ADD1: variants seen among roughly 807,000 people sequenced by gnomAD.
ADD1 encodes the protein alpha-adducin.
ADD1 carries 24 observed loss-of-function variants against 80.5 expected under a neutral mutation model. That is an observed-to-expected ratio of 0.30 (90% confidence interval 0.22 to 0.42). ADD1 has a LOEUF of 0.42. Ranked by LOEUF, ADD1 falls within the 10% of genes least tolerant of loss-of-function variation. ADD1 has a pLI of 1.00. For missense variants in ADD1, 948 were observed against 1,019.0 expected (o/e 0.93, Z 0.95); for synonymous variants, 373 against 393.8 (o/e 0.95, Z 0.63).
rs536289574 is a variant in ADD1, at chr4:2,868,489, T to G, written c.-20-7407T>G. Among the ~76,000 whole-genome samples the G allele has an allele frequency of 3.9e-5, 6 of 152,306 alleles. No homozygotes were observed. In the South Asian group the frequency reaches 1.2e-3, roughly 32 times the overall value. ...ACTCTTTCCAGCGAACTCTCCACCT[T>G]CTGTTTCACTGCGTATTTCCTGACG... is the stretch of plus-strand genomic sequence containing the variant. On this transcript the variant is annotated intron_variant, in intron 1 of 15. Transcript: ENST00000683351.
At position 2,866,595 on chromosome 4, in the gene ADD1, G is replaced by T. The variant is rs1051564673; in HGVS notation, c.-20-9301G>T. 2.0e-5 allele frequency among the ~76,000 whole-genome samples: 3 copies of T among 152,030 alleles called. No individual in the cohort carries two copies. The East Asian group carries it at 5.8e-4, about 29-fold the overall frequency. ...ATTCATTTACCAAATATTTATTGAG[G>T]CCTGTTCTGTGCTAAATGGTGGGGA... On this transcript the variant is annotated intron_variant, in intron 1 of 15. Transcript: ENST00000683351.
chr4:2,891,453 GA>G (rs892391704), intron 4 of ADD1, among the ~76,000 whole-genome samples: 20 of 144,868 alleles, frequency 1.4e-4, no homozygotes, highest in South Asian at 2.2e-4. Flanking sequence ...CTCAAAAAAA[GA>G]AAAAAAAAAG....
intron 8 of ADD1, 45 bp downstream of exon 8, chr4:2,898,576 G>A (rs1351569768): frequency 1.2e-5 from 18 of 1,543,468 alleles, no homozygotes; most frequent in Non-Finnish European, 1.6e-5. Context: ...ATTTAGATGT[G>A]TCTGGGGTTC....
intron 4 of ADD1, among the ~76,000 whole-genome samples, 190 bp downstream of exon 4, chr4:2,884,856 G>T (rs1732985694): frequency 6.6e-6 from 1 of 152,186 alleles, no homozygotes; most frequent in Non-Finnish European, 1.5e-5. Context: ...TACAGGAACA[G>T]CAGTTCTTGA....
chr4:2,883,400 T>G (rs1274639296), intron 3 of ADD1, among the ~76,000 whole-genome samples: 1 of 152,184 alleles, frequency 6.6e-6, no homozygotes, highest in African/African-American at 2.4e-5. Context: ...TTATCCGGAT[T>G]TGTTGAGAAC....
chr4:2,871,747 A>G (rs548591067), intron 1 of ADD1, among the ~76,000 whole-genome samples: 1 of 152,328 alleles, frequency 6.6e-6, no homozygotes, highest in East Asian at 1.9e-4. Flanking sequence ...AGTTTTAGGC[A>G]CATTTCAGAT....
chr4:2,878,665 C>A (rs894797651), intron 2 of ADD1, among the ~76,000 whole-genome samples: 4 of 152,102 alleles, frequency 2.6e-5, no homozygotes, highest in Non-Finnish European at 5.9e-5. Flanking sequence ...TGGCTCATAC[C>A]TGTAGTCCCA....
chr4:2,923,797 C>T (rs770174792), intron 14 of ADD1, among the ~76,000 whole-genome samples: 30 of 152,244 alleles, frequency 2.0e-4, no homozygotes, highest in Non-Finnish European at 3.4e-4. Flanking sequence ...CATTTTCCCC[C>T]GGCTGGAGCA....
At chr4:2,915,751 G>C (rs1254007035) in intron 14 of ADD1, among the ~76,000 whole-genome samples, 1 of 152,204 alleles carries the variant, frequency 6.6e-6, no homozygotes, top group Non-Finnish European at 1.5e-5. Context: ...TTGAACCCGG[G>C]GGGCGGAGGT....
At chr4:2,853,896 G>T (rs968813927) in intron 1 of ADD1, among the ~76,000 whole-genome samples, 1 of 152,144 alleles carries the variant, frequency 6.6e-6, no homozygotes, top group African/African-American at 2.4e-5. Context: ...GAGCGACCGC[G>T]TCTGGCCGTT....
chr4:2,851,042 CACT>C (rs1424988427), intron 1 of ADD1, among the ~76,000 whole-genome samples: 2 of 152,176 alleles, frequency 1.3e-5, no homozygotes, highest in African/African-American at 4.8e-5. Context: ...ACTCTGAATA[CACT>C]AAAACTCTGT....
rs762870470 is a variant in ADD1 at position 2,904,882 on chromosome 4, C to T, written c.1280C>T (p.Ser427Leu). 23 of 1,613,996 alleles carry T rather than the reference C, an allele frequency of 1.4e-5. No homozygotes were observed. Among genetic ancestry groups the T allele is most frequent in the Non-Finnish European group, 1.6e-5 (19 of 1,180,042 alleles). Residue 427 changes from serine to leucine, a missense_variant, in exon 10 of 16, where the codon TCG becomes TTG. By Grantham distance (145) the Ser-to-Leu change is moderately radical. Coordinates refer to ENST00000683351, the MANE Select transcript of ADD1 (RefSeq NM_001354761.2). ...TACTCCTTTGCTAGTGACGGTGATT[C>T]GGGCACTTGCTCCCCACTCAGACAC... is the stretch of plus-strand genomic sequence containing the variant. The part of the protein sequence containing the change: ...TGYSFASDGD[S>L]GTCSPLRHSF...
intron 9 of ADD1, among the ~76,000 whole-genome samples, chr4:2,903,445 A>T (rs1190814848): frequency 6.6e-6 from 1 of 152,174 alleles, no homozygotes; most frequent in Non-Finnish European, 1.5e-5. Flanking sequence ...CTAGGGTCTC[A>T]TAAAGGCTGC....
intron 1 of ADD1, among the ~76,000 whole-genome samples, chr4:2,861,599 CATTAGTGT>C (rs1248910764): frequency 1.3e-5 from 2 of 152,122 alleles, no homozygotes; most frequent in Non-Finnish European, 2.9e-5. Context: ...ATTTGGGGCC[CATTAGTGT>C]ATATAAATCA....
At chr4:2,857,017 A>G (rs1433944477) in intron 1 of ADD1, among the ~76,000 whole-genome samples, 1 of 151,824 alleles carries the variant, frequency 6.6e-6, no homozygotes, top group African/African-American at 2.4e-5. Flanking sequence ...GGTTCAAGCA[A>G]TTCTTCTGCC....
At chr4:2,916,887 A>G (rs1739175356) in intron 14 of ADD1, among the ~76,000 whole-genome samples, 1 of 152,218 alleles carries the variant, frequency 6.6e-6, no homozygotes, top group Non-Finnish European at 1.5e-5. Flanking sequence ...ATGATTGCAT[A>G]GTATTCCATG....
chr4:2,912,113 G>A (rs1211628259), intron 13 of ADD1, among the ~76,000 whole-genome samples: 1 of 152,232 alleles, frequency 6.6e-6, no homozygotes, highest in East Asian at 1.9e-4. Flanking sequence ...CTCGGGTGGA[G>A]CTCTTGTTCC....
intron 1 of ADD1, among the ~76,000 whole-genome samples, chr4:2,850,371 G>C (rs952671275): frequency 2.6e-5 from 4 of 151,866 alleles, no homozygotes; most frequent in Non-Finnish European, 5.9e-5. Context: ...AAGTTCAAGC[G>C]ATTCTCCTGC....
chr4:2,887,325 T>G (rs1422712640), intron 4 of ADD1, among the ~76,000 whole-genome samples: 1 of 152,188 alleles, frequency 6.6e-6, no homozygotes, highest in East Asian at 1.9e-4. Flanking sequence ...CTGCCCTTTC[T>G]TTGAAAGGGG....
Sources: gnomAD v4.1 joint callset for allele counts (sites outside exome capture counted in the v4.1 genomes callset) on GRCh38, gnomAD v4.1.1 for gene constraint, MANE v1.5 for transcripts, NCBI Gene and HGNC (gene_info 2026-07-23, HGNC 2026-07-21) for gene names.